The following FAM53B variants were observed in gnomAD, a reference collection of about 807,000 sequenced individuals.
The protein encoded by FAM53B is family with sequence similarity 53 member B.
A neutral mutation model predicts 32.7 loss-of-function variants in FAM53B; 12 were observed. The ratio of observed to expected loss-of-function variants is 0.37; its 90% CI spans 0.24 to 0.59. The LOEUF (loss-of-function observed/expected upper bound fraction) is 0.59, where lower values mean the gene tolerates loss of function less well. Ranked by LOEUF, FAM53B falls within the 20% of genes least tolerant of loss-of-function variation. The probability of loss-of-function intolerance (pLI) is 0.72; values close to 1 mark genes in which losing one functional copy is unlikely to be tolerated. For synonymous variants in FAM53B, 234 were observed against 228.7 expected, an observed-to-expected ratio of 1.02 and a Z score of -0.21; for missense variants, 477 against 577.7, an observed-to-expected ratio of 0.83 and a Z score of 1.79.
At position 124,682,461 on chromosome 10, in the gene FAM53B, G is replaced by T; in HGVS notation, c.134-82C>A. ...TTTATTATCTCCACACCAACAGCCC[G>T]TTTCAAACACAGTATCTTAGAGCCA... On this transcript the variant is annotated intron_variant, in intron 3 of 4. Transcript: ENST00000337318. The surrounding 1 kb of genome is among the most constrained non-coding windows in gnomAD (Gnocchi z 5.2). 1 of 1,252,818 alleles carries T rather than the reference G, an allele frequency of 8.0e-7. No individual in the cohort carries two copies. Among genetic ancestry groups the T allele is most frequent in the Non-Finnish European group, 1.1e-6 (1 of 911,418 alleles). 77.6% of individuals were successfully genotyped at this position (1,252,818 alleles called of 1,614,324 possible).
intron 4 of FAM53B, among the ~76,000 whole-genome samples, chr10:124,668,773 C>T (rs1410818657): frequency 6.6e-6 from 1 of 152,246 alleles, no homozygotes; most frequent in Non-Finnish European, 1.5e-5. Context: ...ACAGGCCTGG[C>T]GGAGCACGGT....
intron 1 of FAM53B, among the ~76,000 whole-genome samples, chr10:124,741,113 AAG>A (rs1404156045): frequency 6.6e-6 from 1 of 152,212 alleles, no homozygotes; most frequent in African/African-American, 2.4e-5. Context: ...GGATCAATTA[AAG>A]AGAGTCCCTC....
At chr10:124,642,521 T>C (rs1044849508) in intron 4 of FAM53B, among the ~76,000 whole-genome samples, 11 of 152,324 alleles carry the variant, frequency 7.2e-5, no homozygotes, top group African/African-American at 2.6e-4. Context: ...AACAGGCAGA[T>C]GGGTGCTCAG....
intron 4 of FAM53B, among the ~76,000 whole-genome samples, chr10:124,678,883 C>T (rs1375462250): frequency 6.6e-6 from 1 of 152,214 alleles, no homozygotes; most frequent in African/African-American, 2.4e-5. Flanking sequence ...CCCCCGTGTG[C>T]TCACACACAC....
chr10:124,708,917 T>G (rs981924674), intron 1 of FAM53B, among the ~76,000 whole-genome samples: 13 of 152,264 alleles, frequency 8.5e-5, no homozygotes, highest in African/African-American at 3.1e-4. Flanking sequence ...ATACATTGTT[T>G]GAGTGGCCTT....
At chr10:124,692,402 A>AAAAT (rs759842638) in intron 3 of FAM53B, among the ~76,000 whole-genome samples, 43 of 152,268 alleles carry the variant, frequency 2.8e-4, no homozygotes, top group Middle Eastern at 3.4e-3. Context: ...GCTTTTAATT[A>AAAAT]AAATAAATAA....
intron 4 of FAM53B, among the ~76,000 whole-genome samples, chr10:124,643,024 A>G (rs149824634): frequency 6.6e-6 from 1 of 152,348 alleles, no homozygotes; most frequent in Non-Finnish European, 1.5e-5. Context: ...TCGCTCACAT[A>G]TGCCTTTTTT....
At chr10:124,644,724 A>G (rs1342480906) in intron 4 of FAM53B, among the ~76,000 whole-genome samples, 1 of 151,950 alleles carries the variant, frequency 6.6e-6, no homozygotes, top group Non-Finnish European at 1.5e-5. Context: ...GGAACCCGAG[A>G]GTGCAGATGG....
intron 4 of FAM53B, among the ~76,000 whole-genome samples, chr10:124,648,148 T>G (rs1295691301): frequency 6.6e-6 from 1 of 152,168 alleles, no homozygotes; most frequent in Non-Finnish European, 1.5e-5. Flanking sequence ...ACCCTCTCTC[T>G]GAGAACACTG....
intron 4 of FAM53B, among the ~76,000 whole-genome samples, chr10:124,625,589 C>T (rs907228324): frequency 6.6e-6 from 1 of 152,196 alleles, no homozygotes; most frequent in African/African-American, 2.4e-5. Context: ...TCCTCGCCTG[C>T]CCCTGGCCAG....
At chr10:124,647,781 G>A (rs995024173) in intron 4 of FAM53B, among the ~76,000 whole-genome samples, 3 of 152,200 alleles carry the variant, frequency 2.0e-5, no homozygotes, top group African/African-American at 7.2e-5. Context: ...GGCTGCTTGA[G>A]ATGAGCCGAG....
intron 4 of FAM53B, among the ~76,000 whole-genome samples, chr10:124,640,365 G>A (rs1244345091): frequency 6.6e-6 from 1 of 152,218 alleles, no homozygotes; most frequent in African/African-American, 2.4e-5. Context: ...GCCCAGAAAA[G>A]GGCAGGCAGT....
intron 1 of FAM53B, among the ~76,000 whole-genome samples, chr10:124,709,060 G>A (rs1949981202): frequency 6.6e-6 from 1 of 152,252 alleles, no homozygotes; most frequent in South Asian, 2.1e-4. Flanking sequence ...ATCCAGGAGA[G>A]TGCTCAATCA....
chr10:124,631,998 A>G (rs1362932814), intron 4 of FAM53B, among the ~76,000 whole-genome samples: 1 of 152,022 alleles, frequency 6.6e-6, no homozygotes, highest in East Asian at 1.9e-4. Context: ...GGAAGGGCCC[A>G]CCCGGTCGGC....
rs1281655277 is a variant in FAM53B, at chr10:124,662,597, CT to C, written c.906+19009del. Among the ~76,000 whole-genome samples, 5 of 151,730 alleles carry C rather than the reference CT, an allele frequency of 3.3e-5. No homozygotes were observed. The East Asian group carries it at 9.7e-4, about 29-fold the overall frequency. ...TTCGGAGGCTCAGGCAGGAGGATGG[CT>C]TGAGGCCAGGAGTTCAAGACTAGCC... On this transcript the variant is annotated intron_variant, in intron 4 of 4. Transcript: ENST00000337318.
chr10:124,671,115 T>G lies in FAM53B; in HGVS notation c.906+10492A>C, dbSNP rs1217711713. The G allele has an allele frequency of 6.7e-6, 3 of 446,748 alleles. No homozygotes were observed. The Admixed American group carries it at 7.1e-5, about 11-fold the overall frequency. 27.7% of individuals were successfully genotyped at this position (446,748 alleles called of 1,614,324 possible). On this transcript the variant is annotated intron_variant, in intron 4 of 4. Coordinates refer to ENST00000337318, the MANE Select transcript of FAM53B (RefSeq NM_014661.4). ...AGAGGCAGCCGTACATCTCCCCGTC[T>G]GCTTCCTGTGCTGTCACCGTCACCC...
At chr10:124,706,496 A>G in intron 2 of FAM53B, 140 bp downstream of exon 2, 1 of 985,602 alleles carries the variant, frequency 1.0e-6, no homozygotes, top group Non-Finnish European at 1.6e-6. Flanking sequence ...CTGTTGCCCC[A>G]GCCCGGGACG....
chr10:124,681,748 C>G lies in FAM53B; in HGVS notation c.765G>C (p.Glu255Asp). The change falls in exon 4 of 5, where the codon GAG becomes GAC. Residue 255 changes from glutamate to aspartate, a missense_variant. Transcript: ENST00000337318. ...AAAGGCCGCTGGAGCGTCTCGCCAG[C>G]TCTGGTGTTGAGGCAGGTGTGCTGT... ...SANSTPASTP[E>D]LARRSSGLSR... 1 of 1,610,046 alleles carries G rather than the reference C, an allele frequency of 6.2e-7. No homozygotes were observed. The highest frequency in any genetic ancestry group is 8.5e-7 in the Non-Finnish European group (1 of 1,178,274).
intron 4 of FAM53B, among the ~76,000 whole-genome samples, chr10:124,634,119 T>G (rs1033560041): frequency 1.3e-5 from 2 of 152,206 alleles, no homozygotes; most frequent in African/African-American, 4.8e-5. Context: ...TACAACAGTG[T>G]TATTCAAAAT....
Sources: allele counts gnomAD v4.1 joint callset (sites outside exome capture counted in the v4.1 genomes callset), GRCh38; gene constraint gnomAD v4.1.1; non-coding constraint Gnocchi (gnomAD v3.1); transcripts MANE v1.5; gene names NCBI Gene and HGNC (gene_info 2026-07-23, HGNC 2026-07-21).